PLXNA4: variants seen among roughly 807,000 people sequenced by gnomAD.
PLXNA4 encodes plexin A4.
Under a neutral mutation model 191.8 loss-of-function variants are expected in PLXNA4, and 44 were observed. The ratio of observed to expected loss-of-function variants is 0.23; its 90% CI spans 0.18 to 0.29. The LOEUF (loss-of-function observed/expected upper bound fraction) is 0.29, where lower values mean the gene tolerates loss of function less well. Ranked by LOEUF, PLXNA4 falls within the 10% of genes least tolerant of loss-of-function variation. PLXNA4 has a pLI of 1.00. For synonymous variants in PLXNA4, 1,082 were observed against 1,009.5 expected, an observed-to-expected ratio of 1.07 and a Z score of -1.36; for missense variants, 1,800 against 2,488.8, an observed-to-expected ratio of 0.72 and a Z score of 5.89.
chr7:132,554,216 G>C (rs1343871050), intron 1 of PLXNA4, among the ~76,000 whole-genome samples: 1 of 152,170 alleles, frequency 6.6e-6, no homozygotes, highest in Non-Finnish European at 1.5e-5. Context: ...TGTGGTCACT[G>C]TAGAAGGGCT....
intron 15 of PLXNA4, among the ~76,000 whole-genome samples, chr7:132,186,868 A>T (rs561945628): frequency 6.6e-6 from 1 of 152,252 alleles, no homozygotes; most frequent in South Asian, 2.1e-4. Flanking sequence ...CCTTTGAAAA[A>T]CTAACAAATT....
At chr7:132,293,651 G>A (rs1584954117) in intron 4 of PLXNA4, among the ~76,000 whole-genome samples, 1 of 152,274 alleles carries the variant, frequency 6.6e-6, no homozygotes, top group East Asian at 1.9e-4. Flanking sequence ...AGAAGAGAGA[G>A]GCTGGTATGT....
chr7:132,146,415 A>G, intron 28 of PLXNA4, 95 bp downstream of exon 28: 1 of 1,604,330 alleles, frequency 6.2e-7, no homozygotes, highest in East Asian at 2.2e-5. Context: ...ACCAGCATGA[A>G]TGCTGGGTAC....
chr7:132,342,518 C>T lies in PLXNA4; in HGVS notation c.1372-44296G>A, dbSNP rs1803070293. 2.0e-5 allele frequency among the ~76,000 whole-genome samples: 3 copies of T among 152,154 alleles called. No homozygotes were observed. The South Asian group carries it at 6.2e-4, about 32-fold the overall frequency. On this transcript the variant is annotated intron_variant, in intron 3 of 31. Transcript: ENST00000321063. ...AGCACAACCCCAAGCAAGAATTCTG[C>T]CTCTTGTTTCTCTATCTCAAAGATG...
rs374157944 is a variant in PLXNA4, at chr7:132,508,398, C to T, written c.296G>A (p.Arg99His). The T allele has an allele frequency of 1.2e-5, 20 of 1,614,134 alleles. No homozygotes were observed. The highest frequency in any genetic ancestry group is 2.2e-5 in the East Asian group (1 of 44,878). ...DEDNPKCYPPRIVQTCNEPLT... is the reference protein window; with the variant it reads ...DEDNPKCYPPHIVQTCNEPLT... ...GGGCTCATTGCAGGTCTGGACGATG[C>T]GGGGTGGGTAACACTTGGGGTTGTC... Residue 99 changes from arginine (R) to histidine (H), a missense_variant, in exon 2 of 32, where the codon CGC becomes CAC. This residue lies in a region of PLXNA4 where 1,397 missense variants were observed against 1,880.4 expected (regional missense o/e 0.74). Coordinates refer to ENST00000321063, the MANE Select transcript of PLXNA4 (RefSeq NM_020911.2). This position sits in a 1 kb window ranked among gnomAD's most constrained non-coding sequence, Gnocchi z 4.4.
intron 3 of PLXNA4, among the ~76,000 whole-genome samples, chr7:132,470,776 T>G (rs1031014316): frequency 6.6e-6 from 1 of 152,082 alleles, no homozygotes; most frequent in African/African-American, 2.4e-5. Flanking sequence ...GGAAGAGAAC[T>G]GTAGCTGAGG....
chr7:132,264,488 C>A (rs868659698), intron 4 of PLXNA4, among the ~76,000 whole-genome samples: 8 of 151,990 alleles, frequency 5.3e-5, no homozygotes, highest in South Asian at 2.1e-4. Context: ...GCCTCATATG[C>A]CCTGGTTTGC....
intron 1 of PLXNA4, among the ~76,000 whole-genome samples, chr7:132,537,965 G>T (rs554700068): frequency 2.1e-3 from 321 of 152,322 alleles, no homozygotes; most frequent in Non-Finnish European, 3.7e-3. Context: ...CCCCAGCACA[G>T]AGCAACTCCT....
chr7:132,592,562 A>G (rs1322485807), intron 2 of PLXNA4, among the ~76,000 whole-genome samples: 1 of 151,404 alleles, frequency 6.6e-6, no homozygotes, highest in East Asian at 1.9e-4. Flanking sequence ...GCCTTTAAAA[A>G]CCCACATTAA....
chr7:132,259,533 C>T (rs1428723973), intron 4 of PLXNA4, among the ~76,000 whole-genome samples: 2 of 150,104 alleles, frequency 1.3e-5, no homozygotes, highest in East Asian at 2.0e-4. Context: ...TTCAAACCTC[C>T]AGGGCTCGGT....
At chr7:132,252,794 T>C (rs977985894) in intron 4 of PLXNA4, among the ~76,000 whole-genome samples, 5 of 152,208 alleles carry the variant, frequency 3.3e-5, no homozygotes, top group African/African-American at 9.6e-5. Context: ...GCTTTGTATG[T>C]AGTAATGTCT....
intron 2 of PLXNA4, among the ~76,000 whole-genome samples, chr7:132,506,204 C>T (rs532151850): frequency 6.6e-6 from 1 of 152,288 alleles, no homozygotes; most frequent in South Asian, 2.1e-4. Flanking sequence ...TCCCTATCTC[C>T]AACCCAAATC....
intron 2 of PLXNA4, among the ~76,000 whole-genome samples, chr7:132,638,695 A>T (rs915478219): frequency 2.6e-4 from 39 of 151,976 alleles, no homozygotes; most frequent in Admixed American, 2.4e-3. Flanking sequence ...ATTTGTACCC[A>T]TGGTTTCTGG....
rs751241616 is a variant in PLXNA4, at chr7:132,198,653, A to C, written c.2587-17T>G. ...CGGGATTATCTGGAGGGAGGAAGAG[A>C]AATAATTAGACAAACACCAAGATAC... On this transcript the variant is annotated splice_polypyrimidine_tract_variant and intron_variant, in intron 12 of 31. Transcript: ENST00000321063. 3 of 1,613,296 alleles carry C rather than the reference A, an allele frequency of 1.9e-6. No individual in the cohort carries two copies. The highest frequency in any genetic ancestry group is 1.7e-6 in the Non-Finnish European group (2 of 1,179,792).
At chr7:132,629,243 T>G (rs1020307545) in intron 2 of PLXNA4, among the ~76,000 whole-genome samples, 1 of 152,180 alleles carries the variant, frequency 6.6e-6, no homozygotes, top group Non-Finnish European at 1.5e-5. Flanking sequence ...CCTCAGTAAA[T>G]TGGCTTTAAC....
intron 1 of PLXNA4, among the ~76,000 whole-genome samples, chr7:132,546,239 G>A (rs184437902): frequency 6.6e-6 from 1 of 152,190 alleles, no homozygotes; most frequent in African/African-American, 2.4e-5. Flanking sequence ...GGGCTAGGAT[G>A]TGGAAATGCA....
intron 1 of PLXNA4, among the ~76,000 whole-genome samples, chr7:132,554,384 C>T (rs149975832): frequency 5.4e-4 from 82 of 152,292 alleles, no homozygotes; most frequent in African/African-American, 2.0e-3. Flanking sequence ...GGACTCTCTG[C>T]TCACAGATGT....
intron 2 of PLXNA4, among the ~76,000 whole-genome samples, chr7:132,612,078 G>GA (rs1217739455): frequency 2.3e-4 from 1 of 4,414 alleles, no homozygotes; most frequent in Admixed American, 6.3e-3. Context: ...CAGGAAATCA[G>GA]AAAAACAAGG....
At chr7:132,305,101 T>C (rs1258194693) in intron 3 of PLXNA4, among the ~76,000 whole-genome samples, 2 of 152,130 alleles carry the variant, frequency 1.3e-5, no homozygotes, top group East Asian at 3.9e-4. Context: ...GGGAGGGGAT[T>C]CTTGGAGACT....
Sources: allele counts gnomAD v4.1 joint callset (sites outside exome capture counted in the v4.1 genomes callset), GRCh38; gene constraint gnomAD v4.1.1; regional missense constraint gnomAD v4.1.1; non-coding constraint Gnocchi (gnomAD v3.1); transcripts MANE v1.5; gene names NCBI Gene and HGNC (gene_info 2026-07-23, HGNC 2026-07-21).